Variants in SNX3 observed in about 807,000 individuals in gnomAD.
SNX3 encodes sorting nexin 3, also known as sorting nexin-3.
SNX3 carries 5 observed loss-of-function variants against 17.7 expected under a neutral mutation model. The ratio of observed to expected loss-of-function variants is 0.28; its 90% CI spans 0.15 to 0.59. The LOEUF is 0.59. Among genes scored for constraint, SNX3 ranks in the 20% least tolerant of loss-of-function variants. The pLI is 0.88. For missense variants in SNX3, 132 were observed against 206.8 expected (o/e 0.64, Z 2.22); for synonymous variants, 91 against 76.5 (o/e 1.19, Z -0.99).
intron 1 of SNX3, among the ~76,000 whole-genome samples, chr6:108,257,113 T>C (rs1367399439): frequency 1.3e-5 from 2 of 152,212 alleles, no homozygotes; most frequent in African/African-American, 2.4e-5. Flanking sequence ...AACTGTAAGA[T>C]AGTTTAAAAG....
chr6:108,229,135 CTG>C (rs1562426134), intron 1 of SNX3, among the ~76,000 whole-genome samples: 1 of 151,742 alleles, frequency 6.6e-6, no homozygotes, highest in African/African-American at 2.4e-5. Flanking sequence ...TGGCACGAGC[CTG>C]TAATTCCTGC....
intron 1 of SNX3, among the ~76,000 whole-genome samples, chr6:108,244,241 G>A (rs184816136): frequency 2.2e-4 from 33 of 151,874 alleles, no homozygotes; most frequent in African/African-American, 7.5e-4. Context: ...CTGCAACCTC[G>A]ACCTCCTGGG....
chr6:108,250,441 G>T (rs2114762512), intron 1 of SNX3, among the ~76,000 whole-genome samples: 1 of 152,272 alleles, frequency 6.6e-6, no homozygotes, highest in Non-Finnish European at 1.5e-5. Flanking sequence ...AAAAAGGTAA[G>T]CCCATAATTT....
At chr6:108,233,390 T>A (rs1416423389) in intron 1 of SNX3, among the ~76,000 whole-genome samples, 1 of 152,222 alleles carries the variant, frequency 6.6e-6, no homozygotes, top group Non-Finnish European at 1.5e-5. Flanking sequence ...AAAACTATTT[T>A]CTGGTGTCTT....
In SNX3 at chr6:108,216,167, G is replaced by A. The variant is rs151108198; in HGVS notation, c.259-1545C>T. Among the ~76,000 whole-genome samples the A allele has an allele frequency of 3.2e-3, 489 of 152,148 alleles. 4 individuals carry two copies. The highest frequency in any genetic ancestry group is 0.011 in the African/African-American group (473 of 41,498). ...TCATGGCTCGCTGCAGCCTCCCCCA[G>A]ACTCAGATGATCCTCCTGCATCAGC... On this transcript the variant is annotated intron_variant, in intron 2 of 3. Transcript: ENST00000230085.
chr6:108,214,711 CT>C lies in SNX3; in HGVS notation c.259-90del, dbSNP rs1774511195. 7.4e-6 allele frequency: 10 copies of C among 1,344,336 alleles called. No homozygotes were observed. The South Asian group carries it at 1.2e-4, about 17-fold the overall frequency. The allele number at this position is 1,344,336 out of a possible 1,614,324, so 83.3% of individuals were successfully genotyped here. On this transcript the variant is annotated intron_variant, in intron 2 of 3. Coordinates refer to ENST00000230085, the MANE Select transcript of SNX3 (RefSeq NM_003795.6). ...AACATGAAGACAAAGCATGTCCTCA[CT>C]ATGACAGCCATCGTCCGGTCAAACT...
intron 1 of SNX3, among the ~76,000 whole-genome samples, chr6:108,242,625 T>C (rs993751348): frequency 1.2e-4 from 18 of 152,292 alleles, no homozygotes; most frequent in African/African-American, 4.3e-4. Flanking sequence ...ACACCTCCCC[T>C]AGAATGTGAG....
At chr6:108,220,342 C>T (rs957157594) in intron 2 of SNX3, among the ~76,000 whole-genome samples, 2 of 151,614 alleles carry the variant, frequency 1.3e-5, no homozygotes, top group South Asian at 2.1e-4. Flanking sequence ...TACAGGTGTA[C>T]TATTTAAAAA....
chr6:108,221,790 C>A (rs1774783073), intron 2 of SNX3, among the ~76,000 whole-genome samples: 1 of 152,044 alleles, frequency 6.6e-6, no homozygotes, highest in Non-Finnish European at 1.5e-5. Context: ...AGTGATCCAC[C>A]CACGTTGGCC....
intron 1 of SNX3, among the ~76,000 whole-genome samples, chr6:108,246,679 G>C (rs1350174316): frequency 1.3e-5 from 2 of 151,612 alleles, no homozygotes; most frequent in South Asian, 2.1e-4. Context: ...TTTTGCCTGG[G>C]AACATAAATT....
intron 1 of SNX3, among the ~76,000 whole-genome samples, chr6:108,243,146 T>C (rs1380134480): frequency 6.6e-6 from 1 of 152,074 alleles, no homozygotes; most frequent in Non-Finnish European, 1.5e-5. Context: ...CAGGCTGGAG[T>C]GCAGGCTATT....
intron 1 of SNX3, among the ~76,000 whole-genome samples, chr6:108,228,670 A>C (rs1368650425): frequency 6.6e-6 from 1 of 152,142 alleles, no homozygotes; most frequent in Non-Finnish European, 1.5e-5. Context: ...ACTGTATTTC[A>C]GCCTGGGTGA....
intron 1 of SNX3, among the ~76,000 whole-genome samples, chr6:108,241,111 T>C (rs1775506040): frequency 8.1e-6 from 1 of 122,766 alleles, no homozygotes; most frequent in South Asian, 2.6e-4. Flanking sequence ...GCCACTGCAC[T>C]CGAGCCTGAG....
In SNX3 at chr6:108,211,818, GA is replaced by G; in HGVS notation, c.*330del. 1 of 189,940 alleles carries G rather than the reference GA, an allele frequency of 5.3e-6. No homozygotes were observed. Among genetic ancestry groups the G allele is most frequent in the Non-Finnish European group, 1.1e-5 (1 of 92,820 alleles). 11.8% of individuals were successfully genotyped at this position (189,940 alleles called of 1,614,324 possible). On this transcript the variant is annotated 3_prime_UTR_variant, in exon 4 of 4. Coordinates refer to ENST00000230085, the MANE Select transcript of SNX3 (RefSeq NM_003795.6). The stretch of plus-strand genomic sequence containing the variant: ...TTAATCAGATGCAAGAAGCAAACAA[GA>G]CGCAAAAACTGTGCAAATAAGACCA...
At chr6:108,236,546 G>C (rs1405771315) in intron 1 of SNX3, among the ~76,000 whole-genome samples, 1 of 151,150 alleles carries the variant, frequency 6.6e-6, no homozygotes. Flanking sequence ...ACTACGCCCG[G>C]CTAATTTTTT....
intron 1 of SNX3, among the ~76,000 whole-genome samples, chr6:108,252,663 CT>C (rs370043300): frequency 6.6e-6 from 1 of 151,810 alleles, no homozygotes. Flanking sequence ...TAAGAATAAA[CT>C]TTTTTTCTCT....
intron 1 of SNX3, among the ~76,000 whole-genome samples, chr6:108,231,901 C>T (rs971806389): frequency 6.6e-6 from 1 of 152,188 alleles, no homozygotes; most frequent in African/African-American, 2.4e-5. Flanking sequence ...GTATTAAGTA[C>T]AGAATGTTTT....
chr6:108,242,698 A>T (rs1775556361), intron 1 of SNX3, among the ~76,000 whole-genome samples: 1 of 152,174 alleles, frequency 6.6e-6, no homozygotes, highest in Non-Finnish European at 1.5e-5. Context: ...GGCAAAGGTG[A>T]AGGGATTTTA....
intron 1 of SNX3, among the ~76,000 whole-genome samples, chr6:108,239,262 CG>C (rs1044312165): frequency 6.6e-6 from 1 of 152,002 alleles, no homozygotes; most frequent in Non-Finnish European, 1.5e-5. Context: ...CAAGCAGACC[CG>C]GGTTCGACTC....
Sources: gnomAD v4.1 joint callset for allele counts (sites outside exome capture counted in the v4.1 genomes callset) on GRCh38, gnomAD v4.1.1 for gene constraint, MANE v1.5 for transcripts, NCBI Gene and HGNC (gene_info 2026-07-23, HGNC 2026-07-21) for gene names.